CDKAL1: variants seen among roughly 807,000 people sequenced by gnomAD.
The protein encoded by CDKAL1 is threonylcarbamoyladenosine tRNA methylthiotransferase.
CDKAL1 carries 32 observed loss-of-function variants against 68.2 expected under a neutral mutation model. That is an observed-to-expected ratio of 0.47 (90% confidence interval 0.35 to 0.63). CDKAL1 has a LOEUF of 0.63. Ranked by LOEUF, CDKAL1 falls within the 30% of genes least tolerant of loss-of-function variation. CDKAL1 has a pLI of 0.00. For synonymous variants in CDKAL1, 234 were observed against 244.3 expected (o/e 0.96, Z 0.39); for missense variants, 606 against 696.7 (o/e 0.87, Z 1.47).
At chr6:20,783,953 G>T (rs900193890) in intron 8 of CDKAL1, among the ~76,000 whole-genome samples, 1 of 152,028 alleles carries the variant, frequency 6.6e-6, no homozygotes, top group Non-Finnish European at 1.5e-5. Flanking sequence ...GGTGGCTCAT[G>T]CCTGTAATCC....
chr6:21,194,068 A>G (rs78300558), intron 13 of CDKAL1, among the ~76,000 whole-genome samples: 2,927 of 152,328 alleles, frequency 0.019, 51 homozygotes, highest in Non-Finnish European at 0.028. Context: ...ACATTATAAC[A>G]CCAGGCTCTC....
At chr6:20,864,342 G>A (rs1160714731) in intron 9 of CDKAL1, among the ~76,000 whole-genome samples, 1 of 152,098 alleles carries the variant, frequency 6.6e-6, no homozygotes, top group Admixed American at 6.5e-5. Context: ...GTTAATACAA[G>A]CAAATTATTG....
At chr6:20,655,820 T>A (rs1485489235) in intron 5 of CDKAL1, among the ~76,000 whole-genome samples, 2 of 152,178 alleles carry the variant, frequency 1.3e-5, no homozygotes, top group African/African-American at 4.8e-5. Flanking sequence ...CTGGCTAGAA[T>A]GAAGTGAGGA....
At chr6:20,838,473 T>C (rs1045877298) in intron 8 of CDKAL1, among the ~76,000 whole-genome samples, 1 of 152,182 alleles carries the variant, frequency 6.6e-6, no homozygotes, top group East Asian at 1.9e-4. Context: ...TCTGCTGTCA[T>C]TGCTTTATAA....
Position 20,634,555 on chromosome 6 carries a change from G to A in CDKAL1, c.287-14738G>A, listed in dbSNP as rs1003594514. On this transcript the variant is annotated intron_variant, in intron 4 of 15. Transcript: ENST00000274695. ...TATTGCAATGGTCCAGGTGTGACAT[G>A]ATGGCTTATACAAGAGTGGTGGTGG... 7.2e-5 allele frequency among the ~76,000 whole-genome samples: 11 copies of A among 152,206 alleles called. 1 individual carries two copies. The highest frequency in any genetic ancestry group is 2.2e-4 in the African/African-American group (9 of 41,456).
chr6:20,634,604 A>T (rs1236201788), intron 4 of CDKAL1, among the ~76,000 whole-genome samples: 1 of 152,202 alleles, frequency 6.6e-6, no homozygotes, highest in Non-Finnish European at 1.5e-5. Flanking sequence ...TAGCAGGTGT[A>T]TTTCACATTA....
chr6:21,035,199 A>G (rs933504811), intron 11 of CDKAL1, among the ~76,000 whole-genome samples: 7 of 152,290 alleles, frequency 4.6e-5, no homozygotes, highest in Admixed American at 1.3e-4. Flanking sequence ...AGGAATGTAT[A>G]ATCAAATATT....
At chr6:20,742,454 C>G (rs1773500232) in intron 6 of CDKAL1, among the ~76,000 whole-genome samples, 1 of 101,016 alleles carries the variant, frequency 9.9e-6, no homozygotes, top group Non-Finnish European at 2.4e-5. Context: ...TTTTGCTTAT[C>G]TTCTTCAGAC....
chr6:20,826,245 G>A (rs950659688), intron 8 of CDKAL1, among the ~76,000 whole-genome samples: 1 of 152,094 alleles, frequency 6.6e-6, no homozygotes. Flanking sequence ...CAGGGAGGAG[G>A]GGAGCCCACT....
intron 5 of CDKAL1, among the ~76,000 whole-genome samples, chr6:20,692,437 G>A (rs1770912247): frequency 6.6e-6 from 1 of 152,028 alleles, no homozygotes; most frequent in African/African-American, 2.4e-5. Context: ...ATTATCTCTG[G>A]TTTTCTTCAT....
chr6:20,887,371 G>A (rs1406905628), intron 9 of CDKAL1, among the ~76,000 whole-genome samples: 2 of 152,148 alleles, frequency 1.3e-5, no homozygotes, highest in African/African-American at 4.8e-5. Flanking sequence ...GTATAAGCAT[G>A]TTTATAGCTA....
At chr6:20,826,771 C>G (rs1309452751) in intron 8 of CDKAL1, among the ~76,000 whole-genome samples, 2 of 152,158 alleles carry the variant, frequency 1.3e-5, no homozygotes, top group African/African-American at 4.8e-5. Context: ...TCTGATTAAT[C>G]ACCTGCACTT....
chr6:21,008,762 G>A (rs7750903), intron 11 of CDKAL1, among the ~76,000 whole-genome samples: 16 of 152,078 alleles, frequency 1.1e-4, no homozygotes, highest in South Asian at 4.1e-4. Flanking sequence ...GGACTCAAGA[G>A]TAAGAAGCAG....
intron 5 of CDKAL1, among the ~76,000 whole-genome samples, chr6:20,732,263 C>CTTTTTTTTTTTTTTTTTTTTT (rs56911987): frequency 2.3e-4 from 19 of 83,472 alleles, no homozygotes; most frequent in East Asian, 4.2e-4. Flanking sequence ...TTCTTTCTTT[C>CTTTTTTTTTTTTTTTTTTTTT]TTTTTTTTTT....
At chr6:20,536,422 T>A (rs538575132) in intron 2 of CDKAL1, among the ~76,000 whole-genome samples, 2 of 152,218 alleles carry the variant, frequency 1.3e-5, no homozygotes, top group African/African-American at 4.8e-5. Context: ...TTGTATATGA[T>A]GTGAAATGTG....
intron 15 of CDKAL1, among the ~76,000 whole-genome samples, chr6:21,207,480 A>T (rs1483026024): frequency 6.6e-6 from 1 of 152,168 alleles, no homozygotes; most frequent in African/African-American, 2.4e-5. Context: ...GAGCCACTGC[A>T]GCCCAGCCTG....
chr6:20,823,150 C>T (rs992283248), intron 8 of CDKAL1, among the ~76,000 whole-genome samples: 2 of 152,070 alleles, frequency 1.3e-5, no homozygotes, highest in African/African-American at 4.8e-5. Flanking sequence ...TGTTTCTTTC[C>T]CTACCCTTGG....
At chr6:21,207,084 T>C (rs1778970185) in intron 15 of CDKAL1, among the ~76,000 whole-genome samples, 1 of 152,120 alleles carries the variant, frequency 6.6e-6, no homozygotes, top group African/African-American at 2.4e-5. Context: ...AGCTAATTTT[T>C]GTATTTTTAG....
At chr6:20,908,169 T>C (rs543336523) in intron 9 of CDKAL1, among the ~76,000 whole-genome samples, 363 of 152,306 alleles carry the variant, frequency 2.4e-3, no homozygotes, top group African/African-American at 8.5e-3. Flanking sequence ...ATAAATCATA[T>C]AGGCTTCTGA....
Sources: allele counts gnomAD v4.1 joint callset (sites outside exome capture counted in the v4.1 genomes callset), GRCh38; gene constraint gnomAD v4.1.1; transcripts MANE v1.5; gene names NCBI Gene and HGNC (gene_info 2026-07-23, HGNC 2026-07-21).